The following RBFOX3 variants were observed in gnomAD, a reference collection of about 807,000 sequenced individuals.
The protein encoded by RBFOX3 is RNA binding fox-1 homolog 3, also known as RNA binding protein fox-1 homolog 3.
Under a neutral mutation model 48.7 loss-of-function variants are expected in RBFOX3, and 17 were observed. That is an observed-to-expected ratio of 0.35 (90% CI 0.24 to 0.52). The LOEUF (loss-of-function observed/expected upper bound fraction) is 0.52. Ranked by LOEUF, RBFOX3 falls within the 20% of genes least tolerant of loss-of-function variation. The pLI is 0.94. For synonymous variants in RBFOX3, 212 were observed against 209.5 expected (o/e 1.01, Z -0.10); for missense variants, 382 against 497.5 (o/e 0.77, Z 2.21).
intron 1 of RBFOX3, among the ~76,000 whole-genome samples, chr17:79,491,834 C>G (rs2080715788): frequency 6.6e-6 from 1 of 152,178 alleles, no homozygotes; most frequent in Non-Finnish European, 1.5e-5. Context: ...AATCCCAGCA[C>G]TTTGGGAGGC....
At chr17:79,575,557 G>A (rs902572012) in intron 1 of RBFOX3, among the ~76,000 whole-genome samples, 27 of 152,180 alleles carry the variant, frequency 1.8e-4, no homozygotes, top group Non-Finnish European at 3.4e-4. Context: ...GTCAGCCTTC[G>A]GCTTAGAGAA....
At chr17:79,438,769 TC>T (rs2070157255) in intron 2 of RBFOX3, among the ~76,000 whole-genome samples, 1 of 152,194 alleles carries the variant, frequency 6.6e-6, no homozygotes, top group African/African-American at 2.4e-5. Context: ...GCCATGACCA[TC>T]ACCTGCGTTT....
chr17:79,330,018 G>A (rs571323900), intron 2 of RBFOX3, among the ~76,000 whole-genome samples: 1 of 152,284 alleles, frequency 6.6e-6, no homozygotes, highest in African/African-American at 2.4e-5. Context: ...ACCCAGGCCT[G>A]CATCTCTCAG....
intron 1 of RBFOX3, among the ~76,000 whole-genome samples, chr17:79,522,586 C>T (rs1046053233): frequency 3.3e-5 from 5 of 152,100 alleles, no homozygotes; most frequent in East Asian, 1.9e-4. Flanking sequence ...ACCACCTCTC[C>T]CCACTGAGAG....
intron 1 of RBFOX3, among the ~76,000 whole-genome samples, chr17:79,588,817 G>A (rs945221601): frequency 6.6e-6 from 1 of 151,242 alleles, no homozygotes; most frequent in Non-Finnish European, 1.5e-5. Flanking sequence ...CCTGAACTTC[G>A]ACCTGGGCAA....
chr17:79,162,856 G>A (rs1308443006), intron 4 of RBFOX3, among the ~76,000 whole-genome samples: 1 of 152,204 alleles, frequency 6.6e-6, no homozygotes, highest in African/African-American at 2.4e-5. Flanking sequence ...GGAAGTAGGT[G>A]CTGGAATGGA....
chr17:79,659,333 G>C, the RBFOX3 span, among the ~76,000 whole-genome samples: 1 of 152,184 alleles, frequency 6.6e-6, no homozygotes, highest in Admixed American at 6.5e-5. Flanking sequence ...TGTACCAGAG[G>C]GTATCTGGGT....
At chr17:79,340,300 A>AG (rs2081871633) in intron 2 of RBFOX3, among the ~76,000 whole-genome samples, 3 of 148,564 alleles carry the variant, frequency 2.0e-5, no homozygotes, top group African/African-American at 7.3e-5. Context: ...CTCCATCTCA[A>AG]AAAAAAAAAC....
chr17:79,129,565 A>C (rs2612788), intron 4 of RBFOX3, among the ~76,000 whole-genome samples: 72,402 of 151,900 alleles, frequency 0.48, 18,629 homozygotes, highest in Non-Finnish European at 0.6. Flanking sequence ...GTTTCCTGAG[A>C]CCCTGATATG....
chr17:79,438,518 G>C (rs782296940), intron 2 of RBFOX3, among the ~76,000 whole-genome samples: 6 of 152,206 alleles, frequency 3.9e-5, no homozygotes, highest in Non-Finnish European at 7.3e-5. Flanking sequence ...GGCTCTCCTG[G>C]ATCTTGAACA....
chr17:79,655,597 A>G, the RBFOX3 span, among the ~76,000 whole-genome samples: 1 of 152,230 alleles, frequency 6.6e-6, no homozygotes, highest in Non-Finnish European at 1.5e-5. Flanking sequence ...GGTGGCCTTT[A>G]CTGACCCTGA....
intron 3 of RBFOX3, among the ~76,000 whole-genome samples, chr17:79,296,218 A>T (rs1206135023): frequency 6.6e-6 from 1 of 152,148 alleles, no homozygotes; most frequent in Non-Finnish European, 1.5e-5. Context: ...AGAACTTTTT[A>T]AAAAATGGCC....
At chr17:79,342,880 T>G (rs1443413405) in intron 2 of RBFOX3, among the ~76,000 whole-genome samples, 3 of 152,170 alleles carry the variant, frequency 2.0e-5, no homozygotes, top group Non-Finnish European at 4.4e-5. Context: ...GTTATTCTCA[T>G]GCACTTAAAA....
Position 79,361,769 on chromosome 17 carries a change from CTTAT to C in RBFOX3, c.-174-53949_-174-53946del, listed in dbSNP as rs1423410569. Reference sequence around the variant, plus strand: ...GGGGTACCCAGTGTAACTGCCTGCACTTATTTATTTAGAGAAGCAGAGGAAGTGG... The same window carrying C: ...GGGGTACCCAGTGTAACTGCCTGCACTTATTTAGAGAAGCAGAGGAAGTGG... On this transcript the variant is annotated intron_variant, in intron 2 of 14. Coordinates refer to ENST00000693108, the MANE Select transcript of RBFOX3 (RefSeq NM_001350451.2). The surrounding 1 kb of genome is among the most constrained non-coding windows in gnomAD (Gnocchi z 4.5). Among the ~76,000 whole-genome samples, 4 of 152,350 alleles carry C rather than the reference CTTAT, an allele frequency of 2.6e-5. No individual in the cohort carries two copies. The highest frequency in any genetic ancestry group is 2.1e-4 in the South Asian group (1 of 4,832).
chr17:79,575,178 G>T (rs1051458853), intron 1 of RBFOX3, among the ~76,000 whole-genome samples: 3 of 152,234 alleles, frequency 2.0e-5, no homozygotes, highest in African/African-American at 7.2e-5. Flanking sequence ...GAGGAAAGGC[G>T]CTGGTTCAAC....
In RBFOX3 at chr17:79,362,152, C is replaced by T. The variant is rs777727679; in HGVS notation, c.-174-54328G>A. ...CTCACACACAGCCCTCCACGGGCCA[C>T]GGCCAAGCGCTGAGCCAACAGAGTT... is the stretch of plus-strand genomic sequence containing the variant. On this transcript the variant is annotated intron_variant, in intron 2 of 14. Coordinates refer to ENST00000693108, the MANE Select transcript of RBFOX3 (RefSeq NM_001350451.2). This position sits in a 1 kb window ranked among gnomAD's most constrained non-coding sequence, Gnocchi z 4.2. 6.6e-6 allele frequency among the ~76,000 whole-genome samples: 1 copy of T among 152,246 alleles called. No individual in the cohort carries two copies. Among genetic ancestry groups the T allele is most frequent in the African/African-American group, 2.4e-5 (1 of 41,476 alleles).
At chr17:79,489,992 C>A (rs1178098403) in intron 1 of RBFOX3, among the ~76,000 whole-genome samples, 1 of 152,190 alleles carries the variant, frequency 6.6e-6, no homozygotes, top group Non-Finnish European at 1.5e-5. Context: ...CAGAGCACCT[C>A]ATTTTAGTAG....
intron 3 of RBFOX3, among the ~76,000 whole-genome samples, chr17:79,251,032 A>G (rs1246739698): frequency 6.6e-6 from 1 of 151,764 alleles, no homozygotes; most frequent in African/African-American, 2.4e-5. Flanking sequence ...TGGTGTCCCA[A>G]CCTCAGGTGA....
chr17:79,158,268 G>A (rs1451233878), intron 4 of RBFOX3, among the ~76,000 whole-genome samples: 1 of 152,226 alleles, frequency 6.6e-6, no homozygotes, highest in Non-Finnish European at 1.5e-5. Flanking sequence ...AACGCCTGTT[G>A]TTTATGCCAC....
Sources: gnomAD v4.1 joint callset for allele counts (sites outside exome capture counted in the v4.1 genomes callset) on GRCh38, gnomAD v4.1.1 for gene constraint, Gnocchi (gnomAD v3.1) non-coding constraint, MANE v1.5 for transcripts, NCBI Gene and HGNC (gene_info 2026-07-23, HGNC 2026-07-21) for gene names.